ARHGEF7: variants seen among roughly 807,000 people sequenced by gnomAD.
ARHGEF7 encodes the protein Rho guanine nucleotide exchange factor 7.
A neutral mutation model predicts 109.8 loss-of-function variants in ARHGEF7; 33 were observed. The observed-to-expected ratio is 0.30, with a 90% CI of 0.23 to 0.40. ARHGEF7 has a LOEUF of 0.40. ARHGEF7 is among the 10% of genes least tolerant of loss of function. The pLI is 1.00. For missense variants in ARHGEF7, 938 were observed against 1,098.5 expected, an observed-to-expected ratio of 0.85 and a Z score of 2.07; for synonymous variants, 458 against 424.6, an observed-to-expected ratio of 1.08 and a Z score of -0.97.
At chr13:111,184,324 G>C (rs1161388720) in intron 2 of ARHGEF7, among the ~76,000 whole-genome samples, 1 of 152,136 alleles carries the variant, frequency 6.6e-6, no homozygotes, top group South Asian at 2.1e-4. Context: ...TCATAGCAGC[G>C]TGAGAACGGA....
intron 8 of ARHGEF7, among the ~76,000 whole-genome samples, chr13:111,250,317 C>T (rs905769766): frequency 2.0e-5 from 3 of 152,214 alleles, no homozygotes; most frequent in Non-Finnish European, 4.4e-5. Flanking sequence ...GGTATGCGTG[C>T]ATTCGGCGCT....
At chr13:111,250,279 G>A (rs913325987) in intron 8 of ARHGEF7, among the ~76,000 whole-genome samples, 1 of 152,312 alleles carries the variant, frequency 6.6e-6, no homozygotes, top group South Asian at 2.1e-4. Flanking sequence ...GCTGGAATGT[G>A]CCCAGTTTGC....
At chr13:111,207,417 C>T (rs2082021431) in intron 3 of ARHGEF7, among the ~76,000 whole-genome samples, 1 of 152,214 alleles carries the variant, frequency 6.6e-6, no homozygotes, top group South Asian at 2.1e-4. Flanking sequence ...ATCTGCCTGC[C>T]TTGGCCTCCC....
At chr13:111,283,009 A>G in intron 15 of ARHGEF7, 130 bp from the exon 16 acceptor site, 4 of 1,228,548 alleles carry the variant, frequency 3.3e-6, no homozygotes, top group Non-Finnish European at 4.5e-6. Context: ...ATACGAATGA[A>G]ATGATAAATC....
intron 9 of ARHGEF7, among the ~76,000 whole-genome samples, chr13:111,270,278 G>A (rs1448001639): frequency 3.3e-5 from 5 of 152,148 alleles, no homozygotes; most frequent in Non-Finnish European, 7.3e-5. Flanking sequence ...TGTGGCTGCC[G>A]TCAGCCCACA....
At position 111,292,171 on chromosome 13, in the gene ARHGEF7, C is replaced by T; in HGVS notation, c.2188C>T (p.Pro730Ser). Reference protein sequence around the residue: ...HNHVLADDDQPSLDSLGRRSS... With the variant: ...HNHVLADDDQSSLDSLGRRSS... Reference sequence around the variant, plus strand: ...TCACGTCTTGGCTGATGATGACCAACCAAGCCTAGACTCCCTGGGGCGTCG... The same window carrying T: ...TCACGTCTTGGCTGATGATGACCAATCAAGCCTAGACTCCCTGGGGCGTCG... The change falls in exon 19 of 22, where the codon CCA (proline) becomes TCA (serine). Residue 730 changes from proline to serine, a missense_variant. Coordinates refer to ENST00000646102, the MANE Select transcript of ARHGEF7 (RefSeq NM_001354046.2). 6.2e-7 allele frequency: 1 copy of T among 1,613,762 alleles called. No individual in the cohort carries two copies. The highest frequency in any genetic ancestry group is 1.7e-4 in the Middle Eastern group (1 of 5,726).
At chr13:111,282,157 G>A (rs967204886) in intron 15 of ARHGEF7, among the ~76,000 whole-genome samples, 8 of 149,122 alleles carry the variant, frequency 5.4e-5, no homozygotes, top group Admixed American at 2.0e-4. Context: ...GTTGCAGGAA[G>A]TTGATGGCTT....
At chr13:111,163,895 A>G (rs910761097) in intron 2 of ARHGEF7, among the ~76,000 whole-genome samples, 4 of 152,208 alleles carry the variant, frequency 2.6e-5, no homozygotes, top group African/African-American at 9.7e-5. Context: ...TTATTTCAAC[A>G]TGTAATTGAT....
chr13:111,204,306 C>T (rs1202708418), intron 2 of ARHGEF7, among the ~76,000 whole-genome samples: 1 of 152,168 alleles, frequency 6.6e-6, no homozygotes, highest in Admixed American at 6.5e-5. Context: ...TTCCGGTAAT[C>T]TCAGTTAGAA....
Position 111,303,191 on chromosome 13 carries a change from TCAGGACCACA to T in ARHGEF7, c.*79_*88del. The T allele has an allele frequency of 3.1e-6, 3 of 967,784 alleles. No homozygotes were observed. The highest frequency in any genetic ancestry group is 4.4e-6 in the Non-Finnish European group (3 of 682,088). The allele number at this position is 967,784 out of a possible 1,614,324, so 59.9% of individuals were successfully genotyped here. ...ACCCCTGACCCAAGTCGGGGTGCAC[TCAGGACCACA>T]GGGCAGGGCTGGGTGGGGCGCCACC... is the stretch of plus-strand genomic sequence containing the variant. On this transcript the variant is annotated 3_prime_UTR_variant, in exon 22 of 22. Coordinates refer to ENST00000646102, the MANE Select transcript of ARHGEF7 (RefSeq NM_001354046.2).
At chr13:111,196,214 A>T (rs771072032) in intron 2 of ARHGEF7, among the ~76,000 whole-genome samples, 4 of 152,174 alleles carry the variant, frequency 2.6e-5, no homozygotes, top group Non-Finnish European at 2.9e-5. Flanking sequence ...GTCCTTCTAG[A>T]ACACAGGTCA....
intron 3 of ARHGEF7, among the ~76,000 whole-genome samples, chr13:111,209,605 C>T (rs547125489): frequency 4.6e-5 from 7 of 152,148 alleles, no homozygotes; most frequent in Admixed American, 6.5e-5. Context: ...AGTTATAATA[C>T]ATTTCACAAA....
chr13:111,177,049 G>A (rs2078238139), intron 2 of ARHGEF7, among the ~76,000 whole-genome samples: 2 of 152,246 alleles, frequency 1.3e-5, no homozygotes, highest in South Asian at 2.1e-4. Flanking sequence ...GAGCCACCGC[G>A]CCCGGCTGAC....
At chr13:111,287,918 C>T (rs1053953366) in intron 17 of ARHGEF7, among the ~76,000 whole-genome samples, 3 of 152,218 alleles carry the variant, frequency 2.0e-5, no homozygotes, top group South Asian at 2.1e-4. Flanking sequence ...TGAGAGTTGT[C>T]GGCCTTTTGT....
At chr13:111,128,024 A>G (rs2067693423) in intron 1 of ARHGEF7, among the ~76,000 whole-genome samples, 2 of 152,230 alleles carry the variant, frequency 1.3e-5, no homozygotes, top group African/African-American at 4.8e-5. Flanking sequence ...CTCTTGGTAA[A>G]CACTCCCAGT....
In ARHGEF7 at chr13:111,286,171, A is replaced by G. The variant is rs781142028; in HGVS notation, c.1975A>G (p.Met659Val). 3.1e-6 allele frequency: 5 copies of G among 1,614,080 alleles called. No individual in the cohort carries two copies. The highest frequency in any genetic ancestry group is 4.2e-6 in the Non-Finnish European group (5 of 1,179,972). ...KEDLSKSPKT[M>V]KKLLPKRKPE... ...GGATCTTAGTAAGAGCCCTAAGACC[A>G]TGAAAAAGCTGCTGCCCAAGCGCAA... The change falls in exon 17 of 22, where the codon ATG (methionine) becomes GTG (valine). Residue 659 changes from methionine to valine, a missense_variant. Met to Val is a conservative substitution (Grantham distance 21, BLOSUM62 1). Coordinates refer to ENST00000646102, the MANE Select transcript of ARHGEF7 (RefSeq NM_001354046.2).
chr13:111,250,131 G>A (rs1396185421), intron 8 of ARHGEF7, among the ~76,000 whole-genome samples: 1 of 152,220 alleles, frequency 6.6e-6, no homozygotes, highest in Non-Finnish European at 1.5e-5. Context: ...TTCATCAGCT[G>A]TAGAGGGCTC....
At chr13:111,253,507 C>G (rs2090040352) in intron 8 of ARHGEF7, among the ~76,000 whole-genome samples, 1 of 152,174 alleles carries the variant, frequency 6.6e-6, no homozygotes, top group African/African-American at 2.4e-5. Flanking sequence ...AATACTTCCC[C>G]TAAAGAAATA....
At chr13:111,288,513 G>A (rs144172403) in intron 18 of ARHGEF7, 70 bp downstream of exon 18, 21,050 of 1,306,376 alleles carry the variant, frequency 0.016, 262 homozygotes, top group Non-Finnish European at 0.018. Flanking sequence ...CAGTCTGAAG[G>A]AACCTGTTGT....
Sources: gnomAD v4.1 joint callset for allele counts (sites outside exome capture counted in the v4.1 genomes callset) on GRCh38, gnomAD v4.1.1 for gene constraint, MANE v1.5 for transcripts, NCBI Gene and HGNC (gene_info 2026-07-23, HGNC 2026-07-21) for gene names.